REPS2: variants seen among roughly 807,000 people sequenced by gnomAD.
The protein encoded by REPS2 is ralBP1-associated Eps domain-containing protein 2.
REPS2 carries 23 observed loss-of-function variants against 53.6 expected under a neutral mutation model. The observed-to-expected ratio is 0.43, with a 90% CI of 0.31 to 0.61. The LOEUF (loss-of-function observed/expected upper bound fraction) is 0.61, where lower values mean the gene tolerates loss of function less well. REPS2 is among the 20% of genes least tolerant of loss of function. REPS2 has a pLI of 0.11. For missense variants in REPS2, 446 were observed against 534.9 expected, an observed-to-expected ratio of 0.83 and a Z score of 1.64; for synonymous variants, 238 against 218.6, an observed-to-expected ratio of 1.09 and a Z score of -0.78.
At chrX:17,081,682 G>A (rs1041994480) in intron 13 of REPS2, among the ~76,000 whole-genome samples, 2 of 112,278 alleles carry the variant, frequency 1.8e-5, no homozygotes, top group Non-Finnish European at 3.8e-5. Flanking sequence ...CCCGAGGCAT[G>A]TGTTTTCATA....
chrX:17,011,402 C>A (rs1196887058), intron 2 of REPS2, among the ~76,000 whole-genome samples: 1 of 110,962 alleles, frequency 9.0e-6, no homozygotes, highest in Non-Finnish European at 1.9e-5. Context: ...CCTTTCTTTC[C>A]AGGGTCTGAA....
chrX:17,189,692 GTGTGTCTGTGTGTGTC>G, the REPS2 span, among the ~76,000 whole-genome samples: 1 of 110,721 alleles, frequency 9.0e-6, no homozygotes, highest in Non-Finnish European at 1.9e-5. Flanking sequence ...GTGTATGTCT[GTGTGTCTGTGTGTGTC>G]TGTGTCTGTG....
chrX:17,084,040 A>C (rs2062498097), intron 13 of REPS2, among the ~76,000 whole-genome samples: 1 of 104,960 alleles, frequency 9.5e-6, no homozygotes, highest in Admixed American at 1.0e-4. Flanking sequence ...TCCCCCTCAA[A>C]AGAAACCCCA....
the REPS2 span, among the ~76,000 whole-genome samples, chrX:17,188,212 T>G: frequency 8.9e-6 from 1 of 112,583 alleles, no homozygotes; most frequent in East Asian, 2.8e-4. Flanking sequence ...CTTTATTCAT[T>G]TAGAGAAGCT....
intron 5 of REPS2, among the ~76,000 whole-genome samples, chrX:17,043,511 C>T (rs950028739): frequency 2.0e-4 from 22 of 109,231 alleles, no homozygotes; most frequent in Non-Finnish European, 3.8e-4. Context: ...CTTGCCCCCC[C>T]CCCCGGCTTT....
At chrX:17,038,679 G>T (rs1363159134) in intron 5 of REPS2, among the ~76,000 whole-genome samples, 1 of 112,350 alleles carries the variant, frequency 8.9e-6, no homozygotes, top group Non-Finnish European at 1.9e-5. Flanking sequence ...TAGCCAGCTT[G>T]TGCAGTGCTG....
chrX:16,952,461 C>A (rs1358955374), intron 1 of REPS2, among the ~76,000 whole-genome samples: 1 of 111,677 alleles, frequency 9.0e-6, no homozygotes, highest in African/African-American at 3.3e-5. Context: ...GCTTCCATAT[C>A]AAGGGAAATC....
intron 1 of REPS2, among the ~76,000 whole-genome samples, chrX:17,002,829 C>A (rs1368607786): frequency 8.9e-6 from 1 of 111,779 alleles, no homozygotes; most frequent in Admixed American, 9.5e-5. Flanking sequence ...TTTCCTTATG[C>A]CTTGATCCTA....
intron 3 of REPS2, chrX:17,022,498 GT>G (rs2061589591): frequency 3.7e-6 from 1 of 270,813 alleles, no homozygotes; most frequent in East Asian, 5.6e-5. Context: ...AAGTAGAATT[GT>G]GTCTAAAATA....
chrX:17,158,248 T>C (rs1319364675), downstream of REPS2, among the ~76,000 whole-genome samples: 1 of 111,985 alleles, frequency 8.9e-6, no homozygotes, highest in African/African-American at 3.2e-5. Flanking sequence ...CAGTGTAATA[T>C]TGTTGCAAAT....
chrX:17,021,140 A>G (rs1433605377), intron 2 of REPS2, among the ~76,000 whole-genome samples: 1 of 112,242 alleles, frequency 8.9e-6, no homozygotes, highest in African/African-American at 3.2e-5. Flanking sequence ...GCAAAGGCAC[A>G]CTGATGAGTA....
intron 13 of REPS2, among the ~76,000 whole-genome samples, chrX:17,102,587 T>C (rs2062823805): frequency 8.9e-6 from 1 of 112,001 alleles, no homozygotes; most frequent in African/African-American, 3.2e-5. Context: ...GAAAGACAGA[T>C]AGAGAGAAAT....
intron 13 of REPS2, among the ~76,000 whole-genome samples, chrX:17,096,266 C>G (rs1045738841): frequency 9.0e-6 from 1 of 111,407 alleles, no homozygotes; most frequent in Non-Finnish European, 1.9e-5. Flanking sequence ...AGTTTAGAGT[C>G]ACAGGTTGCT....
intron 3 of REPS2, among the ~76,000 whole-genome samples, chrX:17,023,460 A>G (rs1162484919): frequency 1.8e-5 from 2 of 111,294 alleles, no homozygotes; most frequent in Non-Finnish European, 3.8e-5. Context: ...TCGAATGAAA[A>G]TGTTTTTAAA....
intron 1 of REPS2, among the ~76,000 whole-genome samples, chrX:16,974,268 G>C (rs1452710157): frequency 6.3e-5 from 7 of 111,198 alleles, no homozygotes; most frequent in African/African-American, 1.3e-4. Flanking sequence ...CTTTGATCTG[G>C]AACAGATCTT....
chrX:17,010,487 T>A (rs764993842), intron 2 of REPS2, among the ~76,000 whole-genome samples: 1 of 111,854 alleles, frequency 8.9e-6, no homozygotes, highest in African/African-American at 3.2e-5. Flanking sequence ...TGCAGGGCAA[T>A]CTCCTCCCCA....
At chrX:17,104,836 T>A (rs1460305743) in intron 14 of REPS2, among the ~76,000 whole-genome samples, 1 of 111,761 alleles carries the variant, frequency 8.9e-6, no homozygotes, top group Non-Finnish European at 1.9e-5. Context: ...ATTTATTGAG[T>A]CCCTGCTGTA....
At chrX:17,081,283 A>G (rs1282413249) in intron 13 of REPS2, among the ~76,000 whole-genome samples, 1 of 111,732 alleles carries the variant, frequency 8.9e-6, no homozygotes, top group Admixed American at 9.5e-5. Flanking sequence ...ATGCAAAGAA[A>G]AATGAAAGGA....
At chrX:17,186,656 C>T in the REPS2 span, among the ~76,000 whole-genome samples, 9 of 111,909 alleles carry the variant, frequency 8.0e-5, no homozygotes, top group Admixed American at 8.6e-4. Flanking sequence ...CCCACCATAG[C>T]CTTAGGAAAT....
Sources: allele counts gnomAD v4.1 joint callset (sites outside exome capture counted in the v4.1 genomes callset), GRCh38; gene constraint gnomAD v4.1.1; transcripts MANE v1.5; gene names NCBI Gene and HGNC (gene_info 2026-07-23, HGNC 2026-07-21).